The following OPA1 variants were observed in gnomAD, a reference collection of about 807,000 sequenced individuals.
OPA1 encodes dynamin-like GTPase OPA1, mitochondrial.
OPA1 carries 59 observed loss-of-function variants against 152.9 expected under a neutral mutation model. The ratio of observed to expected loss-of-function variants is 0.39; its 90% CI spans 0.31 to 0.48. The LOEUF (loss-of-function observed/expected upper bound fraction) is 0.48, where lower values mean the gene tolerates loss of function less well. OPA1 is among the 20% of genes least tolerant of loss of function. The pLI is 0.96. For synonymous variants in OPA1, 400 were observed against 389.9 expected (o/e 1.03, Z -0.31); for missense variants, 1,008 against 1,216.8 (o/e 0.83, Z 2.55).
chr3:193,651,691 A>G (rs1270309777), intron 21 of OPA1, among the ~76,000 whole-genome samples: 1 of 152,322 alleles, frequency 6.6e-6, no homozygotes, highest in East Asian at 1.9e-4. Context: ...ACTAAATACA[A>G]TATACTTTTA....
chr3:193,605,848 C>A (rs550024723), intron 1 of OPA1, among the ~76,000 whole-genome samples: 2 of 152,248 alleles, frequency 1.3e-5, no homozygotes, highest in Admixed American at 1.3e-4. Context: ...TGATTTGAAA[C>A]CCCTGTCACA....
At chr3:193,627,708 CATA>C (rs1731385674) in intron 7 of OPA1, among the ~76,000 whole-genome samples, 1 of 152,100 alleles carries the variant, frequency 6.6e-6, no homozygotes. Context: ...AAGAGATATC[CATA>C]ATGAATACTG....
intron 29 of OPA1, among the ~76,000 whole-genome samples, chr3:193,685,026 G>A (rs1333343596): frequency 6.6e-6 from 1 of 151,980 alleles, no homozygotes; most frequent in Non-Finnish European, 1.5e-5. Flanking sequence ...ATCTGACCAG[G>A]CGCGGTGGTT....
rs144081717 is a variant in OPA1 at position 193,642,992 on chromosome 3, T to G, written c.1248T>G (p.His416Gln). ...TCCATTAGCTTGCAGCATTAAGACATGAAATAGAACTTCGAATGAGGAAAA... is the reference window on the plus strand; with the variant it reads ...TCCATTAGCTTGCAGCATTAAGACAGGAAATAGAACTTCGAATGAGGAAAA... ...TKEEDLAALR[H>Q]EIELRMRKNV... Residue 416 changes from histidine (H) to glutamine (Q), a missense_variant, in exon 13 of 31, where the codon CAT becomes CAG. Coordinates refer to ENST00000361510, the MANE Select transcript of OPA1 (RefSeq NM_130837.3). The G allele has an allele frequency of 1.2e-6, 2 of 1,613,806 alleles. No homozygotes were observed. The highest frequency in any genetic ancestry group is 1.3e-5 in the African/African-American group (1 of 74,940).
Position 193,695,542 on chromosome 3 carries a change from A to T in OPA1, c.*942A>T, listed in dbSNP as rs1220395072. On this transcript the variant is annotated 3_prime_UTR_variant, in exon 31 of 31. Transcript: ENST00000361510. ...TTCAACAATTAAAGTAATGTTGACCATCCCCCTCTCAGCTGAATAAAGAAA... is the reference window on the plus strand; with the variant it reads ...TTCAACAATTAAAGTAATGTTGACCTTCCCCCTCTCAGCTGAATAAAGAAA... The T allele has an allele frequency of 6.6e-6, 1 of 152,198 alleles. No homozygotes were observed. The highest frequency in any genetic ancestry group is 2.4e-5 in the African/African-American group (1 of 41,458). The allele number at this position is 152,198 out of a possible 1,614,324, so 9.4% of individuals were successfully genotyped here. A position where few individuals can be genotyped will look rare whatever the true frequency, so the allele number is the denominator to read the frequency against.
At chr3:193,676,396 AG>A (rs1718989729) in intron 29 of OPA1, among the ~76,000 whole-genome samples, 1 of 152,214 alleles carries the variant, frequency 6.6e-6, no homozygotes, top group Non-Finnish European at 1.5e-5. Context: ...AACACATTAA[AG>A]CAACTAGGAA....
At position 193,659,572 on chromosome 3, in the gene OPA1, A is replaced by C. The variant is rs1454557954; in HGVS notation, c.2520+11A>C. The C allele has an allele frequency of 6.2e-7, 1 of 1,601,158 alleles. No homozygotes were observed. The highest frequency in any genetic ancestry group is 1.7e-5 in the Admixed American group (1 of 59,650). On this transcript the variant is annotated intron_variant, in intron 25 of 30. Transcript: ENST00000361510. ...CGGACCCAAGAACAGGTAGAAATAA[A>C]CAAGTCTCTAGTCTTATGATGATAT...
chr3:193,667,028 A>G, intron 28 of OPA1, 142 bp from the exon 29 acceptor site: 2 of 621,408 alleles, frequency 3.2e-6, no homozygotes, highest in Non-Finnish European at 5.7e-6. Context: ...TGTATAACAG[A>G]GATTTTCTAT....
chr3:193,673,248 TC>T (rs1457963188), intron 29 of OPA1, among the ~76,000 whole-genome samples: 2 of 152,288 alleles, frequency 1.3e-5, no homozygotes, highest in East Asian at 3.9e-4. Context: ...TTGAGAAGCT[TC>T]CATAGTTACC....
intron 11 of OPA1, among the ~76,000 whole-genome samples, chr3:193,640,573 G>A (rs1001394709): frequency 1.3e-5 from 2 of 152,180 alleles, no homozygotes; most frequent in African/African-American, 4.8e-5. Flanking sequence ...GAAAGGAGAA[G>A]AGATTAAAGA....
At chr3:193,639,172 C>T (rs1219350194) in intron 11 of OPA1, among the ~76,000 whole-genome samples, 6 of 152,040 alleles carry the variant, frequency 3.9e-5, no homozygotes, top group African/African-American at 1.2e-4. Context: ...CAGATATTTA[C>T]GGAATGCTTA....
intron 29 of OPA1, among the ~76,000 whole-genome samples, chr3:193,689,388 G>T (rs957774042): frequency 2.0e-5 from 3 of 152,094 alleles, no homozygotes; most frequent in Non-Finnish European, 4.4e-5. Flanking sequence ...AGGTTTCAAG[G>T]CATGGTAGTA....
chr3:193,643,393 A>G lies in OPA1; in HGVS notation c.1326A>G (p.Lys442=). 6.2e-7 allele frequency: 1 copy of G among 1,610,888 alleles called. No individual in the cohort carries two copies. The highest frequency in any genetic ancestry group is 8.5e-7 in the Non-Finnish European group (1 of 1,177,086). Residue 442 remains lysine, a synonymous_variant, in exon 14 of 31, where the codon AAA becomes AAG. Coordinates refer to ENST00000361510, the MANE Select transcript of OPA1 (RefSeq NM_130837.3). The part of the protein sequence containing the change: ...VSPETISLNV[K]GPGLQRMVLV... ...AGTAGACCATATCCTTAAATGTAAA[A>G]GGCCCTGGACTACAGAGGATGGTGC...
chr3:193,639,702 G>A (rs981249661), intron 11 of OPA1, among the ~76,000 whole-genome samples: 4 of 152,208 alleles, frequency 2.6e-5, no homozygotes, highest in African/African-American at 9.6e-5. Flanking sequence ...GCAGGATTTC[G>A]AGCAAAGTAA....
At chr3:193,618,788 A>G (rs1207752697) in intron 5 of OPA1, 81 bp from the exon 6 acceptor site, 2 of 1,124,944 alleles carry the variant, frequency 1.8e-6, no homozygotes, top group South Asian at 2.5e-5. Flanking sequence ...TCACCTTTTC[A>G]TTGACTCGAT....
intron 21 of OPA1, among the ~76,000 whole-genome samples, chr3:193,651,965 TG>T (rs1382612707): frequency 1.3e-5 from 2 of 152,194 alleles, no homozygotes; most frequent in African/African-American, 4.8e-5. Flanking sequence ...GTAAAGTTTC[TG>T]TAGATAAAGA....
At chr3:193,657,539 C>G (rs1433751013) in intron 23 of OPA1, among the ~76,000 whole-genome samples, 1 of 152,136 alleles carries the variant, frequency 6.6e-6, no homozygotes, top group African/African-American at 2.4e-5. Context: ...TAGATAGGTG[C>G]TTCTAATTTT....
At chr3:193,652,676 G>A (rs1369043202) in intron 21 of OPA1, among the ~76,000 whole-genome samples, 1 of 152,130 alleles carries the variant, frequency 6.6e-6, no homozygotes, top group Non-Finnish European at 1.5e-5. Context: ...GGTAAGAATA[G>A]GGAAAGAGAA....
At chr3:193,598,571 C>T (rs1210604354) in intron 1 of OPA1, among the ~76,000 whole-genome samples, 1 of 152,074 alleles carries the variant, frequency 6.6e-6, no homozygotes, top group African/African-American at 2.4e-5. Context: ...TTTTGTTGGA[C>T]AAGTCAAACA....
Sources: gnomAD v4.1 joint callset for allele counts (sites outside exome capture counted in the v4.1 genomes callset) on GRCh38, gnomAD v4.1.1 for gene constraint, MANE v1.5 for transcripts, NCBI Gene and HGNC (gene_info 2026-07-23, HGNC 2026-07-21) for gene names.